CAST: variants seen among roughly 807,000 people sequenced by gnomAD.
The protein encoded by CAST is calpastatin.
Under a neutral mutation model 119.6 loss-of-function variants are expected in CAST, and 76 were observed. The observed-to-expected ratio is 0.64, with a 90% CI of 0.53 to 0.77. The LOEUF is 0.77. Ranked by LOEUF, CAST falls within the 30% of genes least tolerant of loss-of-function variation. The pLI is 0.00. For missense variants in CAST, 953 were observed against 946.5 expected (o/e 1.01, Z -0.09); for synonymous variants, 319 against 331.6 (o/e 0.96, Z 0.41).
At chr5:96,620,413 A>G (rs540086437) in intron 1 of CAST, among the ~76,000 whole-genome samples, 3 of 151,894 alleles carry the variant, frequency 2.0e-5, no homozygotes, top group African/African-American at 4.8e-5. Flanking sequence ...TGAGGCTAGC[A>G]GTATGCTTCA....
the CAST span, among the ~76,000 whole-genome samples, chr5:96,088,333 T>C: frequency 1.3e-5 from 2 of 152,200 alleles, no homozygotes; most frequent in Non-Finnish European, 2.9e-5. Flanking sequence ...CTGCTCTTTC[T>C]CTATGTCCTC....
the CAST span, among the ~76,000 whole-genome samples, chr5:96,461,524 T>G: frequency 3.9e-5 from 6 of 152,066 alleles, no homozygotes; most frequent in Non-Finnish European, 8.8e-5. Flanking sequence ...ACACTGGTCA[T>G]TGCCCATCTT....
intron 1 of CAST, among the ~76,000 whole-genome samples, chr5:96,619,879 G>A (rs899619798): frequency 2.6e-5 from 4 of 152,212 alleles, no homozygotes; most frequent in African/African-American, 2.4e-5. Context: ...CCAGTATGGT[G>A]GGTTACCTGA....
chr5:96,360,800 G>C, the CAST span, among the ~76,000 whole-genome samples: 1 of 152,208 alleles, frequency 6.6e-6, no homozygotes, highest in Non-Finnish European at 1.5e-5. Context: ...AAGTCAGGAG[G>C]CACAGGGGTC....
chr5:96,018,872 G>A, the CAST span, among the ~76,000 whole-genome samples: 1 of 152,196 alleles, frequency 6.6e-6, no homozygotes, highest in Admixed American at 6.5e-5. Context: ...AAATTGGACA[G>A]TGTTAGTGTT....
the CAST span, among the ~76,000 whole-genome samples, chr5:95,994,484 G>A: frequency 6.6e-6 from 1 of 151,974 alleles, no homozygotes; most frequent in African/African-American, 2.4e-5. Context: ...GGGTGGAGGA[G>A]GATCAGTGCA....
At chr5:96,190,685 G>T in the CAST span, among the ~76,000 whole-genome samples, 1 of 151,996 alleles carries the variant, frequency 6.6e-6, no homozygotes, top group South Asian at 2.1e-4. Context: ...TTTATTTTTG[G>T]CAGTGTAATC....
the CAST span, among the ~76,000 whole-genome samples, chr5:96,345,533 A>G: frequency 1.3e-5 from 2 of 152,168 alleles, no homozygotes; most frequent in Non-Finnish European, 2.9e-5. Flanking sequence ...CTCTTAAGAA[A>G]CACTATATTA....
intron 1 of CAST, among the ~76,000 whole-genome samples, chr5:96,558,383 CA>C (rs201382261): frequency 0.34 from 50,920 of 151,312 alleles, 9,141 homozygotes; most frequent in Middle Eastern, 0.46. Flanking sequence ...AATAGAGACA[CA>C]AAAAAACCCT....
chr5:96,271,654 A>C, the CAST span, among the ~76,000 whole-genome samples: 4 of 144,376 alleles, frequency 2.8e-5, no homozygotes, highest in Non-Finnish European at 6.1e-5. Context: ...ACCACTAGGA[A>C]AAAAAAAAAA....
At chr5:96,083,142 A>AT in the CAST span, among the ~76,000 whole-genome samples, 1 of 152,270 alleles carries the variant, frequency 6.6e-6, no homozygotes, top group Non-Finnish European at 1.5e-5. Context: ...GATACTCAAT[A>AT]TGCAAATTAT....
chr5:96,341,323 C>T, the CAST span, among the ~76,000 whole-genome samples: 1 of 149,528 alleles, frequency 6.7e-6, no homozygotes, highest in Non-Finnish European at 1.5e-5. Context: ...TGCCCACTCC[C>T]ATCCCCCCAC....
intron 24 of CAST, among the ~76,000 whole-genome samples, chr5:96,758,210 T>C (rs1023947829): frequency 6.6e-6 from 1 of 152,178 alleles, no homozygotes; most frequent in African/African-American, 2.4e-5. Context: ...AAATGTAAGC[T>C]TATCCAAAAT....
the CAST span, among the ~76,000 whole-genome samples, chr5:96,148,617 A>G: frequency 1.3e-5 from 2 of 152,362 alleles, no homozygotes; most frequent in African/African-American, 4.8e-5. Flanking sequence ...ACTTCAGTTT[A>G]TGTGCTTAGG....
chr5:95,980,980 G>T, the CAST span, among the ~76,000 whole-genome samples: 2 of 152,180 alleles, frequency 1.3e-5, no homozygotes, highest in Non-Finnish European at 2.9e-5. Context: ...CTCACCCTGA[G>T]ATGTCACAGG....
chr5:96,522,911 T>C (rs1189834455), upstream of CAST, among the ~76,000 whole-genome samples: 1 of 152,222 alleles, frequency 6.6e-6, no homozygotes, highest in African/African-American at 2.4e-5. Flanking sequence ...CCAAGCTTAG[T>C]GTGGTCACTG....
the CAST span, among the ~76,000 whole-genome samples, chr5:96,368,549 C>T: frequency 6.6e-6 from 1 of 151,428 alleles, no homozygotes; most frequent in African/African-American, 2.4e-5. Flanking sequence ...TCAAACTCCA[C>T]ATGTGTAAAT....
At chr5:96,765,383 G>A (rs1238681452) in intron 26 of CAST, 58 bp downstream of exon 26, 4 of 814,134 alleles carry the variant, frequency 4.9e-6, no homozygotes, top group South Asian at 4.7e-5. Context: ...TAATCCTTGG[G>A]TCTTGACTCT....
the CAST span, among the ~76,000 whole-genome samples, chr5:96,296,142 T>G: frequency 6.6e-6 from 1 of 152,226 alleles, no homozygotes; most frequent in African/African-American, 2.4e-5. Flanking sequence ...AGTATAAAAC[T>G]AGCCAACATG....
Sources: gnomAD v4.1 joint callset for allele counts (sites outside exome capture counted in the v4.1 genomes callset) on GRCh38, gnomAD v4.1.1 for gene constraint, MANE v1.5 for transcripts, NCBI Gene and HGNC (gene_info 2026-07-23, HGNC 2026-07-21) for gene names.